SCLT1: variants seen among roughly 807,000 people sequenced by gnomAD.
SCLT1 encodes sodium channel-associated protein 1.
Under a neutral mutation model 112.8 loss-of-function variants are expected in SCLT1, and 78 were observed. The ratio of observed to expected loss-of-function variants is 0.69; its 90% CI spans 0.58 to 0.83. The LOEUF (loss-of-function observed/expected upper bound fraction) is 0.83. Ranked by LOEUF, SCLT1 falls within the 40% of genes least tolerant of loss-of-function variation. The pLI is 0.00. For synonymous variants in SCLT1, 257 were observed against 254.7 expected (o/e 1.01, Z -0.09); for missense variants, 747 against 770.4 (o/e 0.97, Z 0.36).
chr4:128,997,427 C>G (rs774315595), intron 8 of SCLT1: 4 of 151,898 alleles, frequency 2.6e-5, no homozygotes, highest in African/African-American at 7.2e-5. Flanking sequence ...AAGACTAATT[C>G]TATTTATTTT....
At chr4:129,080,704 T>C (rs1751856525) in intron 2 of SCLT1, among the ~76,000 whole-genome samples, 1 of 152,232 alleles carries the variant, frequency 6.6e-6, no homozygotes, top group Non-Finnish European at 1.5e-5. Context: ...CCTCTGCCCA[T>C]TATGCAGTTC....
chr4:128,880,351 A>G (rs1560795472), downstream of SCLT1, among the ~76,000 whole-genome samples: 4 of 152,098 alleles, frequency 2.6e-5, no homozygotes, highest in Admixed American at 2.0e-4. Context: ...TATGGGTAGC[A>G]TGTTTATCTG....
chr4:128,942,678 AAG>A (rs1737800059), intron 17 of SCLT1, among the ~76,000 whole-genome samples: 1 of 152,134 alleles, frequency 6.6e-6, no homozygotes, highest in South Asian at 2.1e-4. Flanking sequence ...ACAGAGAGAG[AAG>A]AGAGGAAGGC....
At chr4:128,917,641 C>T (rs1227710222) in intron 18 of SCLT1, among the ~76,000 whole-genome samples, 1 of 152,050 alleles carries the variant, frequency 6.6e-6, no homozygotes, top group African/African-American at 2.4e-5. Flanking sequence ...CTAAGTTATT[C>T]AGATTAATCA....
chr4:128,973,051 C>T (rs1276204300), intron 9 of SCLT1, among the ~76,000 whole-genome samples: 1 of 151,382 alleles, frequency 6.6e-6, no homozygotes, highest in Non-Finnish European at 1.5e-5. Context: ...TAAACACATC[C>T]TTGTTTCTTT....
rs116752043 is a variant in SCLT1 at position 128,924,757 on chromosome 4, C to T, written c.1829+11898G>A. 1.3e-3 allele frequency among the ~76,000 whole-genome samples: 198 copies of T among 152,204 alleles called. 1 individual carries two copies. The highest frequency in any genetic ancestry group is 4.5e-3 in the African/African-American group (188 of 41,514). On this transcript the variant is annotated intron_variant, in intron 18 of 20. Transcript: ENST00000281142. ...TATGGTGTGATGTAATGGCGTGGCA[C>T]GTAAGCTCTGAAACGAACCTCAATG...
At chr4:128,886,081 G>T (rs318503) in intron 20 of SCLT1, among the ~76,000 whole-genome samples, 35,387 of 152,030 alleles carry the variant, frequency 0.23, 5,322 homozygotes, top group African/African-American at 0.42. Context: ...ACAGAAATTT[G>T]AAACTGTGAT....
intron 5 of SCLT1, among the ~76,000 whole-genome samples, chr4:129,020,058 G>A (rs1745329950): frequency 6.6e-6 from 1 of 152,028 alleles, no homozygotes; most frequent in Admixed American, 6.6e-5. Flanking sequence ...CCGCCATGTG[G>A]GTCTCATCCT....
At chr4:129,007,137 TA>T (rs974340546) in intron 5 of SCLT1, among the ~76,000 whole-genome samples, 19 of 152,056 alleles carry the variant, frequency 1.2e-4, no homozygotes, top group African/African-American at 4.4e-4. Context: ...AATCCTTTTA[TA>T]ATCTGAGAGT....
chr4:129,012,323 T>C (rs1029771922), intron 5 of SCLT1, among the ~76,000 whole-genome samples: 5 of 152,226 alleles, frequency 3.3e-5, no homozygotes, highest in Admixed American at 6.5e-5. Context: ...TCAACTTCCA[T>C]GTAATTGTAT....
At chr4:129,081,009 G>A (rs1038637813) in intron 2 of SCLT1, among the ~76,000 whole-genome samples, 1 of 152,080 alleles carries the variant, frequency 6.6e-6, no homozygotes, top group African/African-American at 2.4e-5. Flanking sequence ...GAGCATAACA[G>A]CTCAGCGGCA....
At chr4:129,048,516 C>T (rs1366694952) in intron 2 of SCLT1, among the ~76,000 whole-genome samples, 1 of 150,048 alleles carries the variant, frequency 6.7e-6, no homozygotes, top group Non-Finnish European at 1.5e-5. Flanking sequence ...GACCTAAAAC[C>T]ATAAAAACCC....
intron 18 of SCLT1, among the ~76,000 whole-genome samples, chr4:128,935,036 T>C (rs952582329): frequency 3.9e-5 from 6 of 152,042 alleles, no homozygotes; most frequent in African/African-American, 1.4e-4. Context: ...TATTAAATGT[T>C]ATCAAATGCT....
At chr4:128,959,880 C>A (rs1361938248) in intron 11 of SCLT1, 103 bp from the exon 12 acceptor site, 1 of 822,572 alleles carries the variant, frequency 1.2e-6, no homozygotes, top group Non-Finnish European at 2.0e-6. Flanking sequence ...CAGTAACTTT[C>A]ACATGTATTA....
intron 18 of SCLT1, among the ~76,000 whole-genome samples, chr4:128,924,625 T>C (rs982749302): frequency 3.3e-5 from 5 of 152,176 alleles, no homozygotes; most frequent in African/African-American, 9.7e-5. Flanking sequence ...TACTTTATTA[T>C]TGTGTCTTGG....
At chr4:129,058,340 T>A (rs1749636352) in intron 2 of SCLT1, among the ~76,000 whole-genome samples, 1 of 152,178 alleles carries the variant, frequency 6.6e-6, no homozygotes. Flanking sequence ...TTTCTATTTT[T>A]TTTGATGTAG....
At chr4:129,046,308 CCAA>C (rs1262681926) in intron 2 of SCLT1, among the ~76,000 whole-genome samples, 8 of 152,038 alleles carry the variant, frequency 5.3e-5, no homozygotes, top group Non-Finnish European at 8.8e-5. Flanking sequence ...ATGTATATGA[CCAA>C]CAACCCCCAA....
At chr4:129,006,800 T>G (rs1190569143) in intron 5 of SCLT1, among the ~76,000 whole-genome samples, 2 of 152,212 alleles carry the variant, frequency 1.3e-5, no homozygotes, top group Non-Finnish European at 2.9e-5. Context: ...TATATGATTT[T>G]GGGTTTAGAT....
chr4:128,970,709 G>C lies in SCLT1; in HGVS notation c.687-241C>G, dbSNP rs1740619166. The C allele has an allele frequency of 2.1e-5, 8 of 374,060 alleles. 1 individual carries two copies. In the South Asian group the frequency reaches 3.3e-4, roughly 15 times the overall value. 23.2% of individuals were successfully genotyped at this position (374,060 alleles called of 1,614,324 possible). A position where few individuals can be genotyped will look rare whatever the true frequency, so the allele number is the denominator to read the frequency against. ...GTAGAGGTCATGAATGCTGTACTTG[G>C]GTAAATTATATTATATACCAAAGTG... On this transcript the variant is annotated intron_variant, in intron 9 of 20. Transcript: ENST00000281142.
Sources: allele counts gnomAD v4.1 joint callset (sites outside exome capture counted in the v4.1 genomes callset), GRCh38; gene constraint gnomAD v4.1.1; transcripts MANE v1.5; gene names NCBI Gene and HGNC (gene_info 2026-07-23, HGNC 2026-07-21).